Variants in RBFOX1 observed in about 807,000 individuals in gnomAD.
RBFOX1 encodes the protein RNA binding fox-1 homolog 1.
A neutral mutation model predicts 57.7 loss-of-function variants in RBFOX1; 8 were observed. The ratio of observed to expected loss-of-function variants is 0.14; its 90% CI spans 0.08 to 0.25. RBFOX1 has a LOEUF of 0.25. Among genes scored for constraint, RBFOX1 ranks in the 10% least tolerant of loss-of-function variants. RBFOX1 has a pLI of 1.00. For synonymous variants in RBFOX1, 326 were observed against 222.4 expected (o/e 1.47, Z -4.15); for missense variants, 611 against 548.5 (o/e 1.11, Z -1.14).
chr16:5,737,109 C>G (rs749500701), intron 3 of RBFOX1, among the ~76,000 whole-genome samples: 1 of 152,006 alleles, frequency 6.6e-6, no homozygotes, highest in Non-Finnish European at 1.5e-5. Flanking sequence ...TGCTTGAGGT[C>G]TAATATGGCT....
chr16:5,795,564 T>A (rs1287728473), intron 3 of RBFOX1, among the ~76,000 whole-genome samples: 1 of 152,212 alleles, frequency 6.6e-6, no homozygotes, highest in African/African-American at 2.4e-5. Flanking sequence ...GTGCTAGGAT[T>A]ACAGACATGA....
At chr16:5,601,972 A>T (rs2047380312), downstream of RBFOX1, among the ~76,000 whole-genome samples, 2 of 152,176 alleles carry the variant, frequency 1.3e-5, no homozygotes, top group Admixed American at 1.3e-4. Context: ...GGATGATGGT[A>T]TCCTGCTGGT....
At chr16:6,820,510 G>A (rs1311225911) in intron 3 of RBFOX1, among the ~76,000 whole-genome samples, 3 of 152,068 alleles carry the variant, frequency 2.0e-5, no homozygotes, top group Non-Finnish European at 4.4e-5. Flanking sequence ...TTTTTAAAAA[G>A]TAACTGGGTA....
At chr16:7,073,435 A>G (rs1352140116) in intron 4 of RBFOX1, among the ~76,000 whole-genome samples, 1 of 152,212 alleles carries the variant, frequency 6.6e-6, no homozygotes. Flanking sequence ...GAGCGCTGCC[A>G]GAACAAAACT....
At chr16:6,224,933 C>T (rs762290354) in intron 1 of RBFOX1, among the ~76,000 whole-genome samples, 2 of 147,660 alleles carry the variant, frequency 1.4e-5, no homozygotes, top group South Asian at 2.1e-4. Context: ...GCAAGAGAAT[C>T]GCTTGAACCT....
At chr16:6,446,978 A>T (rs2094497463) in intron 2 of RBFOX1, among the ~76,000 whole-genome samples, 1 of 152,066 alleles carries the variant, frequency 6.6e-6, no homozygotes, top group Admixed American at 6.6e-5. Context: ...TGTACTTTTC[A>T]TTTTCCAGGA....
At chr16:5,654,037 C>T (rs1188846890) in intron 3 of RBFOX1, among the ~76,000 whole-genome samples, 2 of 152,242 alleles carry the variant, frequency 1.3e-5, no homozygotes, top group African/African-American at 4.8e-5. Context: ...GGTTGATAAG[C>T]CTGATGTCAA....
At chr16:7,272,161 G>C (rs866839465) in intron 4 of RBFOX1, among the ~76,000 whole-genome samples, 1 of 152,134 alleles carries the variant, frequency 6.6e-6, no homozygotes, top group Non-Finnish European at 1.5e-5. Flanking sequence ...AATGTTAATA[G>C]ATTACTCTTT....
chr16:5,975,214 G>C (rs111361763), intron 4 of RBFOX1, among the ~76,000 whole-genome samples: 511 of 152,212 alleles, frequency 3.4e-3, no homozygotes, highest in African/African-American at 0.012. Context: ...GCCGGCTTGG[G>C]ATGGCCCTGA....
chr16:5,714,316 G>C (rs147633259), intron 3 of RBFOX1, among the ~76,000 whole-genome samples: 6 of 152,300 alleles, frequency 3.9e-5, no homozygotes, highest in African/African-American at 1.4e-4. Flanking sequence ...GACCTCAAGA[G>C]GCTCTGCCTG....
At chr16:7,241,213 C>G (rs1387449745) in intron 4 of RBFOX1, among the ~76,000 whole-genome samples, 1 of 152,138 alleles carries the variant, frequency 6.6e-6, no homozygotes, top group Admixed American at 6.5e-5. Flanking sequence ...CCACCTCTAC[C>G]ATAAATCACA....
rs897872462 is a variant in RBFOX1, at chr16:6,702,274, C to A, written c.-16+47624C>A. Among the ~76,000 whole-genome samples the A allele has an allele frequency of 3.3e-5, 5 of 152,152 alleles. No homozygotes were observed. The South Asian group carries it at 1.0e-3, about 31-fold the overall frequency. On this transcript the variant is annotated intron_variant, in intron 3 of 15. Transcript: ENST00000550418. The stretch of plus-strand genomic sequence containing the variant: ...ATGGGACAAATATCCAAATTATCGG[C>A]CAGCCGTGGTGGCTCATGCCTGTAA...
chr16:5,628,300 C>A (rs1460545737), intron 3 of RBFOX1, among the ~76,000 whole-genome samples: 1 of 152,128 alleles, frequency 6.6e-6, no homozygotes, highest in Non-Finnish European at 1.5e-5. Context: ...CCTGTGATAC[C>A]AATTATCACA....
At chr16:7,675,408 C>CAA (rs369307640) in intron 13 of RBFOX1, among the ~76,000 whole-genome samples, 48 of 126,314 alleles carry the variant, frequency 3.8e-4, no homozygotes, top group South Asian at 1.4e-3. Flanking sequence ...TTAAGGGAAA[C>CAA]AAAAAAAAAA....
upstream of RBFOX1, among the ~76,000 whole-genome samples, chr16:6,017,203 A>G (rs1264894832): frequency 1.3e-5 from 2 of 152,242 alleles, no homozygotes; most frequent in Non-Finnish European, 1.5e-5. Flanking sequence ...GATTGCATTC[A>G]TTTGTTCCTT....
intron 4 of RBFOX1, among the ~76,000 whole-genome samples, chr16:7,243,664 C>T (rs2094165274): frequency 6.6e-6 from 1 of 152,198 alleles, no homozygotes; most frequent in Admixed American, 6.5e-5. Flanking sequence ...CCTCCCAGCT[C>T]AGCCTCCCAA....
At chr16:7,507,457 T>A (rs879866880) in intron 4 of RBFOX1, among the ~76,000 whole-genome samples, 3 of 152,074 alleles carry the variant, frequency 2.0e-5, no homozygotes, top group Admixed American at 2.0e-4. Context: ...ATCAGAACTA[T>A]CTGGGGCAAC....
chr16:6,756,031 C>A (rs1282875227), intron 3 of RBFOX1, among the ~76,000 whole-genome samples: 1 of 152,192 alleles, frequency 6.6e-6, no homozygotes, highest in Non-Finnish European at 1.5e-5. Context: ...GTTTGGATGA[C>A]AGTACACAAT....
intron 3 of RBFOX1, among the ~76,000 whole-genome samples, chr16:6,880,342 C>G (rs1005042092): frequency 1.3e-5 from 2 of 152,176 alleles, no homozygotes; most frequent in Admixed American, 6.5e-5. Context: ...TTCCTGACCA[C>G]TGCCTTGGTT....
Sources: gnomAD v4.1 joint callset for allele counts (sites outside exome capture counted in the v4.1 genomes callset) on GRCh38, gnomAD v4.1.1 for gene constraint, MANE v1.5 for transcripts, NCBI Gene and HGNC (gene_info 2026-07-23, HGNC 2026-07-21) for gene names.